The following SCAPER variants were observed in gnomAD, a reference collection of about 807,000 sequenced individuals.
SCAPER encodes the protein S phase cyclin A-associated protein in the endoplasmic reticulum.
SCAPER carries 98 observed loss-of-function variants against 182.2 expected under a neutral mutation model. That is an observed-to-expected ratio of 0.54 (90% CI 0.46 to 0.64). The LOEUF (loss-of-function observed/expected upper bound fraction) is 0.64, where lower values mean the gene tolerates loss of function less well. SCAPER is among the 30% of genes least tolerant of loss of function. The pLI is 0.00. For missense variants in SCAPER, 1,432 were observed against 1,690.0 expected (o/e 0.85, Z 2.68); for synonymous variants, 605 against 564.6 (o/e 1.07, Z -1.01).
At position 76,471,331 on chromosome 15, in the gene SCAPER, G is replaced by A; in HGVS notation, c.2959C>T (p.Leu987Phe). 1 of 1,603,082 alleles carries A rather than the reference G, an allele frequency of 6.2e-7. No individual in the cohort carries two copies. The highest frequency in any genetic ancestry group is 1.1e-5 in the South Asian group (1 of 88,612). ...NTVLRIPPKSLCNAINVYNLT... is the reference protein window; with the variant it reads ...NTVLRIPPKSFCNAINVYNLT... ...TTGTAAACATTGATTGCATTGCAGA[G>A]AGACCTAAAAGAAGGAGAAAAACAC... is the stretch of plus-strand genomic sequence containing the variant. The change falls in exon 25 of 32, where the codon CTC (leucine) becomes TTC (phenylalanine). Residue 987 changes from leucine (L) to phenylalanine (F), a missense_variant. By Grantham distance (22) the Leu-to-Phe change is conservative. This residue lies in a region of SCAPER where 718 missense variants were observed against 799.7 expected (regional missense o/e 0.90). Transcript: ENST00000563290.
intron 22 of SCAPER, among the ~76,000 whole-genome samples, chr15:76,614,154 C>T (rs2051245146): frequency 6.6e-6 from 1 of 152,048 alleles, no homozygotes; most frequent in Admixed American, 6.6e-5. Flanking sequence ...GAAGAGAAAA[C>T]CAAATATCAC....
intron 2 of SCAPER, among the ~76,000 whole-genome samples, chr15:76,880,447 T>C (rs992733256): frequency 3.3e-5 from 5 of 152,242 alleles, no homozygotes; most frequent in African/African-American, 1.2e-4. Flanking sequence ...ATGGGAAATG[T>C]ACTATTACAG....
At chr15:76,585,574 T>C (rs529882248) in intron 22 of SCAPER, among the ~76,000 whole-genome samples, 1 of 152,168 alleles carries the variant, frequency 6.6e-6, no homozygotes, top group South Asian at 2.1e-4. Flanking sequence ...AATGCTGACA[T>C]TTGACTGAAA....
At chr15:76,698,339 A>G (rs955648598) in intron 20 of SCAPER, among the ~76,000 whole-genome samples, 2 of 152,166 alleles carry the variant, frequency 1.3e-5, no homozygotes, top group African/African-American at 4.8e-5. Flanking sequence ...AACCTTAACT[A>G]TATGTCAAGC....
chr15:76,392,176 C>T lies in SCAPER; in HGVS notation c.3468-10561G>A, dbSNP rs183765390. 2.6e-5 allele frequency among the ~76,000 whole-genome samples: 4 copies of T among 152,184 alleles called. No homozygotes were observed. In the East Asian group the frequency reaches 7.7e-4, roughly 29 times the overall value. On this transcript the variant is annotated intron_variant, in intron 27 of 31. Coordinates refer to ENST00000563290, the MANE Select transcript of SCAPER (RefSeq NM_020843.4). The stretch of plus-strand genomic sequence containing the variant: ...TTATGAATATGGTTTGGGCCTTAAC[C>T]TTACTTGCTGTGGCTTGATTTACCT...
intron 8 of SCAPER, among the ~76,000 whole-genome samples, chr15:76,780,089 A>G (rs2151378663): frequency 6.6e-6 from 1 of 152,364 alleles, no homozygotes; most frequent in East Asian, 1.9e-4. Flanking sequence ...CTCACCCAGG[A>G]AATACAAGGG....
At chr15:76,711,712 G>C (rs1192492033) in intron 17 of SCAPER, among the ~76,000 whole-genome samples, 2 of 152,038 alleles carry the variant, frequency 1.3e-5, no homozygotes, top group Non-Finnish European at 2.9e-5. Context: ...TTTTCATGTG[G>C]TTTTTGGCCG....
intron 23 of SCAPER, among the ~76,000 whole-genome samples, chr15:76,560,247 TA>T (rs2046511944): frequency 6.6e-6 from 1 of 151,900 alleles, no homozygotes; most frequent in South Asian, 2.1e-4. Context: ...TTGAAGGGAG[TA>T]ATCCTATCCT....
chr15:76,584,930 G>A (rs555530702), intron 22 of SCAPER, among the ~76,000 whole-genome samples: 10 of 152,148 alleles, frequency 6.6e-5, no homozygotes, highest in East Asian at 1.9e-4. Context: ...TTATGTAAAC[G>A]TTAAAATTTT....
At chr15:76,720,194 C>T (rs1382378321) in intron 17 of SCAPER, among the ~76,000 whole-genome samples, 1 of 150,578 alleles carries the variant, frequency 6.6e-6, no homozygotes, top group African/African-American at 2.4e-5. Flanking sequence ...GTTTTTTGTC[C>T]TTGCGATAGT....
intron 26 of SCAPER, among the ~76,000 whole-genome samples, chr15:76,419,193 C>A (rs187542856): frequency 1.3e-5 from 2 of 152,144 alleles, no homozygotes; most frequent in African/African-American, 2.4e-5. Flanking sequence ...AAAGCCAACA[C>A]ACGGTACCCA....
At chr15:76,636,326 T>C (rs2053598490) in intron 21 of SCAPER, among the ~76,000 whole-genome samples, 1 of 152,158 alleles carries the variant, frequency 6.6e-6, no homozygotes, top group African/African-American at 2.4e-5. Context: ...TCTTTTGCTT[T>C]CACAAAGCCC....
At chr15:76,521,084 T>C (rs1431339924) in intron 23 of SCAPER, among the ~76,000 whole-genome samples, 1 of 152,096 alleles carries the variant, frequency 6.6e-6, no homozygotes, top group African/African-American at 2.4e-5. Context: ...TAAGAATAAA[T>C]GGTAAAAGAC....
intron 5 of SCAPER, among the ~76,000 whole-genome samples, chr15:76,829,688 C>T (rs1307705480): frequency 6.6e-6 from 1 of 152,134 alleles, no homozygotes; most frequent in African/African-American, 2.4e-5. Flanking sequence ...ATATGACTGG[C>T]TGCTAACAAT....
At chr15:76,589,173 A>G (rs747764501) in intron 22 of SCAPER, among the ~76,000 whole-genome samples, 15 of 152,000 alleles carry the variant, frequency 9.9e-5, no homozygotes, top group Non-Finnish European at 1.9e-4. Flanking sequence ...CGTTTAATAC[A>G]CTAGTTTTGT....
intron 28 of SCAPER, among the ~76,000 whole-genome samples, chr15:76,378,263 T>G (rs913028139): frequency 6.6e-6 from 1 of 152,200 alleles, no homozygotes; most frequent in African/African-American, 2.4e-5. Context: ...TTATCTCAGT[T>G]TTTTTCTTCA....
intron 23 of SCAPER, among the ~76,000 whole-genome samples, chr15:76,508,080 CTG>C (rs112706532): frequency 0.077 from 11,780 of 152,022 alleles, 524 homozygotes; most frequent in African/African-American, 0.11. Context: ...ATCTTATTCA[CTG>C]TCTCTTCCTT....
intron 29 of SCAPER, among the ~76,000 whole-genome samples, chr15:76,365,894 T>A (rs528546996): frequency 6.6e-6 from 1 of 152,244 alleles, no homozygotes; most frequent in South Asian, 2.1e-4. Context: ...CACTTATGCA[T>A]CCTATGCTGC....
intron 4 of SCAPER, among the ~76,000 whole-genome samples, chr15:76,850,878 G>GA (rs1164935318): frequency 2.2e-4 from 29 of 129,272 alleles, no homozygotes; most frequent in Non-Finnish European, 3.0e-4. Context: ...AAAAAAAAAA[G>GA]AAAAAAAAAG....
Sources: gnomAD v4.1 joint callset for allele counts (sites outside exome capture counted in the v4.1 genomes callset) on GRCh38, gnomAD v4.1.1 for gene constraint, gnomAD v4.1.1 regional missense constraint, MANE v1.5 for transcripts, NCBI Gene and HGNC (gene_info 2026-07-23, HGNC 2026-07-21) for gene names.